The following SAP130 variants were observed in gnomAD, a reference collection of about 807,000 sequenced individuals.
The protein encoded by SAP130 is Sin3A associated protein 130.
Under a neutral mutation model 103.2 loss-of-function variants are expected in SAP130, and 16 were observed. The ratio of observed to expected loss-of-function variants is 0.16; its 90% CI spans 0.10 to 0.24. The LOEUF (loss-of-function observed/expected upper bound fraction) is 0.24, where lower values mean the gene tolerates loss of function less well. Ranked by LOEUF, SAP130 falls within the 10% of genes least tolerant of loss-of-function variation. SAP130 has a pLI of 1.00. For synonymous variants in SAP130, 477 were observed against 497.0 expected (o/e 0.96, Z 0.53); for missense variants, 990 against 1,359.7 (o/e 0.73, Z 4.28).
intron 11 of SAP130, among the ~76,000 whole-genome samples, chr2:127,995,513 A>C (rs892081505): frequency 6.6e-6 from 1 of 152,214 alleles, no homozygotes; most frequent in African/African-American, 2.4e-5. Flanking sequence ...TGCTCAACAT[A>C]ATAAATAAAT....
intron 15 of SAP130, among the ~76,000 whole-genome samples, chr2:127,956,959 A>G (rs1380347808): frequency 6.6e-6 from 1 of 152,176 alleles, no homozygotes; most frequent in Admixed American, 6.5e-5. Context: ...TTACTCTTAT[A>G]TTCTCAGATG....
intron 2 of SAP130, among the ~76,000 whole-genome samples, chr2:128,025,178 G>A (rs1010986525): frequency 6.6e-6 from 1 of 152,204 alleles, no homozygotes; most frequent in Non-Finnish European, 1.5e-5. Context: ...AGTATTTGAA[G>A]GAATTCCTCA....
chr2:128,017,064 G>A (rs962584075), intron 3 of SAP130, among the ~76,000 whole-genome samples: 1 of 152,268 alleles, frequency 6.6e-6, no homozygotes, highest in African/African-American at 2.4e-5. Context: ...GCTCACGCCT[G>A]TAATCCCAGC....
At chr2:127,997,037 C>T (rs1452516163) in intron 10 of SAP130, among the ~76,000 whole-genome samples, 2 of 152,168 alleles carry the variant, frequency 1.3e-5, no homozygotes, top group Non-Finnish European at 2.9e-5. Context: ...AATGAGAAAA[C>T]GACTTTAATT....
Position 128,013,144 on chromosome 2 carries a change from A to T in SAP130, c.630T>A (p.Ala210=). ...CTTTAGAACTGGACATCACAGCAGC[A>T]GCAGCTGCACCTGAAAAAAAAAAAG... ...GASHLPRGAA[A]AAVMSSSKVT... The change falls in exon 6 of 21, where the codon GCT becomes GCA. Residue 210 remains alanine (A), a synonymous_variant. Transcript: ENST00000643581. The T allele has an allele frequency of 6.2e-7, 1 of 1,602,120 alleles. No homozygotes were observed. The highest frequency in any genetic ancestry group is 1.3e-5 in the African/African-American group (1 of 74,176).
chr2:127,999,822 G>A lies in SAP130; in HGVS notation c.1132C>T (p.Pro378Ser). The A allele has an allele frequency of 6.5e-7, 1 of 1,536,170 alleles. No homozygotes were observed. The highest frequency in any genetic ancestry group is 2.3e-5 in the East Asian group (1 of 44,234). The change falls in exon 10 of 21, where the codon CCC (proline) becomes TCC (serine). Residue 378 changes from proline (P) to serine (S), a missense_variant. Transcript: ENST00000643581. ...TAGSVSHTQAPTSTIVTMTVP... is the reference protein window; with the variant it reads ...TAGSVSHTQASTSTIVTMTVP... ...GTCATGGTAACAATGGTACTTGTGG[G>A]AGCTTGCGTGTGTGACACAGATCCT...
Position 127,987,921 on chromosome 2 carries a change from T to G in SAP130, c.1781-959A>C, listed in dbSNP as rs79009493. On this transcript the variant is annotated intron_variant, in intron 13 of 20. Coordinates refer to ENST00000643581, the MANE Select transcript of SAP130 (RefSeq NM_001330301.2). ...ATCAGAAAATACCTGTGTTTGACAG[T>G]TTTTGACCTATAAAAATGGCAATTT... Among the ~76,000 whole-genome samples, 15 of 152,322 alleles carry G rather than the reference T, an allele frequency of 9.8e-5. No individual in the cohort carries two copies. The East Asian group carries it at 2.9e-3, about 29-fold the overall frequency.
rs1679014396 is a variant in SAP130, at chr2:127,945,519, T to C, written c.2838A>G (p.Lys946=). Residue 946 remains lysine (K), a synonymous_variant, in exon 19 of 21, where the codon AAA becomes AAG. Transcript: ENST00000643581. ...AGCCTTGAGCACGACAGGATACTCCTTTCTGATTAGCTATTTCCTGCAGCA... is the reference window on the plus strand; with the variant it reads ...AGCCTTGAGCACGACAGGATACTCCCTTCTGATTAGCTATTTCCTGCAGCA... ...KAMLQEIANQ[K]GVSCRAQGWK... is the part of the protein sequence containing the mutation. 6.2e-7 allele frequency: 1 copy of C among 1,613,258 alleles called. No homozygotes were observed. Among genetic ancestry groups the C allele is most frequent in the African/African-American group, 1.3e-5 (1 of 74,918 alleles).
At chr2:127,988,700 A>C (rs1482790442) in intron 13 of SAP130, among the ~76,000 whole-genome samples, 2 of 152,026 alleles carry the variant, frequency 1.3e-5, no homozygotes, top group Non-Finnish European at 2.9e-5. Flanking sequence ...AAATACAAAA[A>C]TTAGCCAGGC....
intron 7 of SAP130, among the ~76,000 whole-genome samples, chr2:128,004,185 C>T (rs1470715184): frequency 1.3e-5 from 2 of 151,314 alleles, no homozygotes; most frequent in East Asian, 3.9e-4. Context: ...TTCTCCTTCT[C>T]CTCTCAGAGG....
chr2:128,014,392 T>C lies in SAP130; in HGVS notation c.619+411A>G, dbSNP rs375936632. 3.8e-3 allele frequency among the ~76,000 whole-genome samples: 565 copies of C among 148,030 alleles called. 29 individuals carry two copies. Among genetic ancestry groups the C allele is most frequent in the African/African-American group, 0.014 (533 of 39,390 alleles). ...CTCAGCCTCCTGAGTGCCATCCTCC[T>C]ATCTCAGCCTCCTGAGTGCCATCCT... On this transcript the variant is annotated intron_variant, in intron 5 of 20. Transcript: ENST00000643581.
At chr2:127,958,685 A>AGAGAGAGAGAGAG (rs1680024449) in intron 15 of SAP130, among the ~76,000 whole-genome samples, 2 of 112,032 alleles carry the variant, frequency 1.8e-5, no homozygotes, top group African/African-American at 6.6e-5. Flanking sequence ...AGAGAGAGAG[A>AGAGAGAGAGAGAG]ATCTCTCACT....
Position 127,996,276 on chromosome 2 carries a change from A to G in SAP130, c.1355+74T>C. The G allele has an allele frequency of 1.5e-6, 2 of 1,325,960 alleles. No homozygotes were observed. Among genetic ancestry groups the G allele is most frequent in the Non-Finnish European group, 2.0e-6 (2 of 1,007,244 alleles). 82.1% of individuals were successfully genotyped at this position (1,325,960 alleles called of 1,614,324 possible). On this transcript the variant is annotated intron_variant, in intron 11 of 20. Coordinates refer to ENST00000643581, the MANE Select transcript of SAP130 (RefSeq NM_001330301.2). This position sits in a 1 kb window ranked among gnomAD's most constrained non-coding sequence, Gnocchi z 4.3. ...TAAATATAGGCCATATTTGTGGGAC[A>G]CTTTGTTTTATGCTGATAAAGCAGA...
chr2:127,946,375 A>T (rs1679076810), intron 18 of SAP130, among the ~76,000 whole-genome samples: 1 of 152,204 alleles, frequency 6.6e-6, no homozygotes, highest in Non-Finnish European at 1.5e-5. Context: ...GAGCCTTTCC[A>T]AGGGCAGAAC....
chr2:128,019,622 A>G (rs774298855), intron 2 of SAP130, among the ~76,000 whole-genome samples: 14 of 150,698 alleles, frequency 9.3e-5, no homozygotes, highest in Middle Eastern at 3.4e-3. Context: ...GTGGTGGTTC[A>G]CGCCTGTAAT....
chr2:127,949,785 T>C, intron 18 of SAP130, 84 bp downstream of exon 18: 2 of 1,418,366 alleles, frequency 1.4e-6, no homozygotes, highest in African/African-American at 1.4e-5. Flanking sequence ...AACCGGAAAA[T>C]TGTGGTTCTG....
At chr2:127,959,005 T>C (rs957540521) in intron 15 of SAP130, among the ~76,000 whole-genome samples, 2 of 152,122 alleles carry the variant, frequency 1.3e-5, no homozygotes, top group African/African-American at 2.4e-5. Context: ...CATTCTATCA[T>C]TTAAGAGTGA....
intron 1 of SAP130, chr2:128,027,013 G>A: frequency 7.9e-7 from 1 of 1,264,396 alleles, no homozygotes; most frequent in Non-Finnish European, 1.0e-6. Flanking sequence ...CTCGGAGTGT[G>A]AGACCCCCGT....
chr2:127,967,528 A>G (rs535816226), intron 15 of SAP130, among the ~76,000 whole-genome samples: 10 of 152,198 alleles, frequency 6.6e-5, no homozygotes, highest in Non-Finnish European at 1.3e-4. Flanking sequence ...CCTCCCGAGT[A>G]GCTGGGATTA....
Sources: gnomAD v4.1 joint callset for allele counts (sites outside exome capture counted in the v4.1 genomes callset) on GRCh38, gnomAD v4.1.1 for gene constraint, Gnocchi (gnomAD v3.1) non-coding constraint, MANE v1.5 for transcripts, NCBI Gene and HGNC (gene_info 2026-07-23, HGNC 2026-07-21) for gene names.